The following SLIT3 variants were observed in gnomAD, a reference collection of about 807,000 sequenced individuals.
SLIT3 encodes slit homolog 3 protein.
SLIT3 carries 68 observed loss-of-function variants against 184.0 expected under a neutral mutation model. That is an observed-to-expected ratio of 0.37 (90% CI 0.30 to 0.45). The LOEUF (loss-of-function observed/expected upper bound fraction) is 0.45. SLIT3 is among the 20% of genes least tolerant of loss of function. The pLI is 1.00. For synonymous variants in SLIT3, 831 were observed against 828.6 expected (o/e 1.00, Z -0.05); for missense variants, 1,707 against 2,026.0 (o/e 0.84, Z 3.02).
chr5:168,939,641 C>CAATCTTAAA (rs1201167047), intron 4 of SLIT3, among the ~76,000 whole-genome samples: 1 of 152,216 alleles, frequency 6.6e-6, no homozygotes. Context: ...CAGATGTACA[C>CAATCTTAAA]AATCTTAAAA....
intron 3 of SLIT3, among the ~76,000 whole-genome samples, chr5:169,202,106 A>G (rs1220114142): frequency 6.6e-6 from 1 of 152,054 alleles, no homozygotes; most frequent in Non-Finnish European, 1.5e-5. Context: ...GGTGCCACAC[A>G]CCTATAGTCA....
chr5:168,989,570 C>T (rs991462159), intron 4 of SLIT3, among the ~76,000 whole-genome samples: 8 of 152,300 alleles, frequency 5.3e-5, no homozygotes, highest in East Asian at 1.9e-4. Flanking sequence ...AGTTCTAAAG[C>T]GCGAACTAGT....
At chr5:168,956,193 C>T (rs1363505743) in intron 4 of SLIT3, among the ~76,000 whole-genome samples, 1 of 152,194 alleles carries the variant, frequency 6.6e-6, no homozygotes, top group African/African-American at 2.4e-5. Flanking sequence ...GGTTGTCTAT[C>T]TCCCACTTCA....
intron 8 of SLIT3, among the ~76,000 whole-genome samples, chr5:168,808,561 T>A (rs1221204953): frequency 6.6e-6 from 1 of 152,192 alleles, no homozygotes; most frequent in East Asian, 1.9e-4. Flanking sequence ...ATGTTCATTG[T>A]TATTATTGGG....
At chr5:169,083,826 TG>T (rs1346010934) in intron 4 of SLIT3, among the ~76,000 whole-genome samples, 2 of 152,154 alleles carry the variant, frequency 1.3e-5, no homozygotes, top group East Asian at 3.9e-4. Context: ...TCTTCCTGTT[TG>T]TCTGGCAATT....
intron 2 of SLIT3, among the ~76,000 whole-genome samples, chr5:169,250,100 T>C (rs1765721962): frequency 6.6e-6 from 1 of 152,200 alleles, no homozygotes. Flanking sequence ...AGAGTCTAGG[T>C]TCCAATTCCA....
intron 5 of SLIT3, among the ~76,000 whole-genome samples, chr5:168,856,124 C>A (rs964769343): frequency 1.3e-5 from 2 of 151,966 alleles, no homozygotes; most frequent in Non-Finnish European, 2.9e-5. Flanking sequence ...AGAAAAAAAA[C>A]AAAAAGAAAT....
intron 1 of SLIT3, among the ~76,000 whole-genome samples, chr5:169,281,260 T>C (rs1311420200): frequency 1.3e-5 from 2 of 152,156 alleles, no homozygotes; most frequent in South Asian, 2.1e-4. Flanking sequence ...GGGCGGATCA[T>C]GAGGTCAGGT....
chr5:169,036,761 C>T lies in SLIT3; in HGVS notation c.414-153425G>A, dbSNP rs1581336373. ...ATAAACCAAACGCCAGACCTGAGAT[C>T]TTAATTACACAGGAGTCTAGATGTC... On this transcript the variant is annotated intron_variant, in intron 4 of 35. Coordinates refer to ENST00000519560, the MANE Select transcript of SLIT3 (RefSeq NM_003062.4). Among the ~76,000 whole-genome samples, 3 of 152,244 alleles carry T rather than the reference C, an allele frequency of 2.0e-5. No individual in the cohort carries two copies. The South Asian group carries it at 6.2e-4, about 32-fold the overall frequency.
chr5:169,058,089 G>A lies in SLIT3; in HGVS notation c.413+135390C>T, dbSNP rs113027085. Among the ~76,000 whole-genome samples, 1,432 of 152,342 alleles carry A rather than the reference G, an allele frequency of 9.4e-3. 7 individuals are homozygous for A. Among genetic ancestry groups the A allele is most frequent in the Non-Finnish European group, 0.016 (1,072 of 68,030 alleles). On this transcript the variant is annotated intron_variant, in intron 4 of 35. Coordinates refer to ENST00000519560, the MANE Select transcript of SLIT3 (RefSeq NM_003062.4). ...AATTTCCTACAGTGTCAAATGAGAC[G>A]AGCGCTATTGCAGATGCAGGGACTG...
intron 30 of SLIT3, among the ~76,000 whole-genome samples, chr5:168,686,435 C>T (rs1268806252): frequency 6.6e-6 from 1 of 152,212 alleles, no homozygotes; most frequent in African/African-American, 2.4e-5. Flanking sequence ...TACCCAACAG[C>T]ATGGTTGAAT....
At chr5:168,774,198 C>T in intron 13 of SLIT3, 37 bp downstream of exon 13, 1 of 1,565,990 alleles carries the variant, frequency 6.4e-7, no homozygotes, top group South Asian at 1.2e-5. Context: ...TCTCCTGCTG[C>T]TTGGGCACCC....
chr5:169,086,563 T>A (rs1249538192), intron 4 of SLIT3, among the ~76,000 whole-genome samples: 1 of 152,228 alleles, frequency 6.6e-6, no homozygotes, highest in Non-Finnish European at 1.5e-5. Flanking sequence ...TCAGAGATAG[T>A]ATTTTTTTCC....
intron 20 of SLIT3, among the ~76,000 whole-genome samples, chr5:168,729,668 C>T (rs1322037362): frequency 2.0e-5 from 3 of 151,792 alleles, no homozygotes; most frequent in Non-Finnish European, 2.9e-5. Context: ...AATGAAAGGT[C>T]GATATTCACT....
chr5:169,056,018 C>G (rs970863838), intron 4 of SLIT3, among the ~76,000 whole-genome samples: 3 of 152,004 alleles, frequency 2.0e-5, no homozygotes, highest in African/African-American at 7.3e-5. Context: ...AAAAGACCAC[C>G]CTGGCTTGTC....
intron 4 of SLIT3, among the ~76,000 whole-genome samples, chr5:168,962,619 C>T (rs746532899): frequency 1.2e-4 from 19 of 152,090 alleles, no homozygotes; most frequent in Non-Finnish European, 2.6e-4. Context: ...AAGGAAAGGT[C>T]ATTATCCATA....
chr5:168,924,294 T>C (rs1210681434), intron 4 of SLIT3, among the ~76,000 whole-genome samples: 1 of 152,182 alleles, frequency 6.6e-6, no homozygotes, highest in Non-Finnish European at 1.5e-5. Context: ...AGGGCACTCC[T>C]AGCCCCCAGT....
intron 4 of SLIT3, among the ~76,000 whole-genome samples, chr5:168,948,216 G>A (rs28496985): frequency 0.024 from 3,602 of 152,184 alleles, 157 homozygotes; most frequent in African/African-American, 0.082. Flanking sequence ...TGCCTTGTCC[G>A]GGGCCTGATG....
In SLIT3 at chr5:168,773,007, C is replaced by A; in HGVS notation, c.1296-63G>T. The A allele has an allele frequency of 3.3e-6, 5 of 1,493,754 alleles. No individual in the cohort carries two copies. The South Asian group carries it at 6.6e-5, about 20-fold the overall frequency. The allele number at this position is 1,493,754 out of a possible 1,614,324, so 92.5% of individuals were successfully genotyped here. On this transcript the variant is annotated intron_variant, in intron 13 of 35. Coordinates refer to ENST00000519560, the MANE Select transcript of SLIT3 (RefSeq NM_003062.4). ...ACGGCGTCTTGCTCCACCACCACCA[C>A]CCTGCCTCGCGCTGGGCCCTGGCAA...
Sources: gnomAD v4.1 joint callset for allele counts (sites outside exome capture counted in the v4.1 genomes callset) on GRCh38, gnomAD v4.1.1 for gene constraint, MANE v1.5 for transcripts, NCBI Gene and HGNC (gene_info 2026-07-23, HGNC 2026-07-21) for gene names.